Variants in HDAC9 observed in about 807,000 individuals in gnomAD.
The protein encoded by HDAC9 is MEF-2 interacting transcription repressor (MITR) protein.
HDAC9 carries 41 observed loss-of-function variants against 139.4 expected under a neutral mutation model. That is an observed-to-expected ratio of 0.29 (90% CI 0.23 to 0.38). HDAC9 has a LOEUF of 0.38. Among genes scored for constraint, HDAC9 ranks in the 10% least tolerant of loss-of-function variants. HDAC9 has a pLI of 1.00. For synonymous variants in HDAC9, 517 were observed against 476.2 expected, an observed-to-expected ratio of 1.09 and a Z score of -1.12; for missense variants, 1,147 against 1,297.0, an observed-to-expected ratio of 0.88 and a Z score of 1.78.
At chr7:18,947,692 A>T (rs1175332027) in intron 23 of HDAC9, among the ~76,000 whole-genome samples, 2 of 152,010 alleles carry the variant, frequency 1.3e-5, no homozygotes, top group Non-Finnish European at 2.9e-5. Flanking sequence ...AAATAACACC[A>T]ATCACAAATT....
chr7:18,171,513 T>C (rs1788441430), intron 2 of HDAC9, among the ~76,000 whole-genome samples: 1 of 152,214 alleles, frequency 6.6e-6, no homozygotes, highest in South Asian at 2.1e-4. Context: ...AGGGCATCCC[T>C]GTCTTGTGCC....
intron 2 of HDAC9, among the ~76,000 whole-genome samples, chr7:18,187,126 T>C (rs1286734909): frequency 1.3e-5 from 2 of 152,216 alleles, no homozygotes; most frequent in East Asian, 3.9e-4. Flanking sequence ...ACCTACTATG[T>C]CCCTGGAATG....
intron 16 of HDAC9, among the ~76,000 whole-genome samples, chr7:18,783,714 A>C (rs1791451249): frequency 1.3e-5 from 2 of 150,644 alleles, no homozygotes; most frequent in Non-Finnish European, 3.0e-5. Context: ...ACTTTGTGTG[A>C]AAATAAATCA....
intron 2 of HDAC9, among the ~76,000 whole-genome samples, chr7:18,558,918 C>T (rs1048176880): frequency 1.3e-5 from 2 of 152,158 alleles, no homozygotes; most frequent in African/African-American, 2.4e-5. Flanking sequence ...TTTTGTGTTC[C>T]ATAGCTGCTT....
chr7:18,260,739 G>C (rs1795615591), intron 2 of HDAC9, among the ~76,000 whole-genome samples: 1 of 152,212 alleles, frequency 6.6e-6, no homozygotes, highest in African/African-American at 2.4e-5. Context: ...TTGCTCAAGA[G>C]TAAGAGTAAA....
intron 12 of HDAC9, among the ~76,000 whole-genome samples, chr7:18,688,299 C>A (rs529069326): frequency 1.9e-4 from 29 of 151,748 alleles, no homozygotes; most frequent in African/African-American, 5.8e-4. Context: ...TTTAGTCTAG[C>A]CTTAGTTTGA....
Position 18,591,603 on chromosome 7 carries a change from A to G in HDAC9, c.503A>G (p.Lys168Arg), listed in dbSNP as rs1223120272. The G allele has an allele frequency of 6.2e-7, 1 of 1,613,570 alleles. No homozygotes were observed. ...SATKDTPTNG[K>R]NHSVSRHPKL... ...ACGAAAGACACTCCAACTAATGGAA[A>G]AAATCATTCCGTGAGCCGCCATCCC... Residue 168 changes from lysine to arginine, a missense_variant, in exon 5 of 26, where the codon AAA (lysine) becomes AGA (arginine). Physicochemically the swap from Lys to Arg is conservative, Grantham distance 26. Transcript: ENST00000686413.
At chr7:18,452,900 A>G (rs1793007535) in intron 1 of HDAC9, among the ~76,000 whole-genome samples, 2 of 152,198 alleles carry the variant, frequency 1.3e-5, no homozygotes, top group Non-Finnish European at 2.9e-5. Context: ...TATCTTTATT[A>G]GAAACATTAG....
At chr7:18,269,348 T>G (rs1417609620) in intron 2 of HDAC9, among the ~76,000 whole-genome samples, 1 of 152,206 alleles carries the variant, frequency 6.6e-6, no homozygotes, top group African/African-American at 2.4e-5. Context: ...TTAAATGTTT[T>G]AAGAGGTAAT....
intron 6 of HDAC9, among the ~76,000 whole-genome samples, chr7:18,618,760 A>ATATATATATATATGTG (rs1388208113): frequency 7.5e-6 from 1 of 133,810 alleles, no homozygotes; most frequent in East Asian, 2.2e-4. Flanking sequence ...ATATATATAT[A>ATATATATATATATGTG]TGTAGGAATT....
chr7:18,701,409 AAAC>A (rs1562864639), intron 12 of HDAC9, among the ~76,000 whole-genome samples: 13 of 137,712 alleles, frequency 9.4e-5, no homozygotes, highest in African/African-American at 4.3e-4. Context: ...AAAAAAAACA[AAAC>A]AAACAAAAAA....
chr7:18,479,806 A>G (rs1586188583), intron 1 of HDAC9, among the ~76,000 whole-genome samples: 1 of 152,068 alleles, frequency 6.6e-6, no homozygotes, highest in East Asian at 1.9e-4. Context: ...TTTTATTAAC[A>G]TTATTTTAAT....
intron 2 of HDAC9, among the ~76,000 whole-genome samples, chr7:18,233,448 G>A (rs1298766343): frequency 2.3e-5 from 3 of 132,620 alleles, no homozygotes; most frequent in East Asian, 3.0e-4. Flanking sequence ...TTGGTTTAAC[G>A]GATTTCATTC....
At chr7:18,491,402 G>T (rs1796354814), upstream of HDAC9, among the ~76,000 whole-genome samples, 1 of 151,810 alleles carries the variant, frequency 6.6e-6, no homozygotes, top group Non-Finnish European at 1.5e-5. Flanking sequence ...TAAAGAAATA[G>T]GTCAAAAATG....
At chr7:18,676,692 C>T (rs898378264) in intron 12 of HDAC9, among the ~76,000 whole-genome samples, 1 of 151,750 alleles carries the variant, frequency 6.6e-6, no homozygotes, top group African/African-American at 2.4e-5. Flanking sequence ...ATAAAAATAT[C>T]CAACTTGGTT....
At chr7:18,981,084 A>G (rs1431809682) in intron 25 of HDAC9, among the ~76,000 whole-genome samples, 1 of 151,932 alleles carries the variant, frequency 6.6e-6, no homozygotes, top group African/African-American at 2.4e-5. Flanking sequence ...TCTGCCTCCC[A>G]AAGTGCTGGA....
intron 6 of HDAC9, among the ~76,000 whole-genome samples, chr7:18,612,523 A>G (rs1837448161): frequency 1.3e-5 from 2 of 152,110 alleles, no homozygotes; most frequent in Non-Finnish European, 1.5e-5. Flanking sequence ...GAATTAGAGA[A>G]CTGAGGAGTC....
intron 1 of HDAC9, among the ~76,000 whole-genome samples, chr7:18,309,582 A>G (rs1470877207): frequency 3.3e-5 from 5 of 152,200 alleles, no homozygotes; most frequent in Non-Finnish European, 5.9e-5. Flanking sequence ...TGTGCTGAGT[A>G]TGTTAAGAAT....
chr7:18,327,923 T>C (rs1800592992), intron 1 of HDAC9, among the ~76,000 whole-genome samples: 1 of 152,014 alleles, frequency 6.6e-6, no homozygotes, highest in Non-Finnish European at 1.5e-5. Flanking sequence ...TAAAAGAGGA[T>C]GTTGAGTTAG....
Sources: gnomAD v4.1 joint callset for allele counts (sites outside exome capture counted in the v4.1 genomes callset) on GRCh38, gnomAD v4.1.1 for gene constraint, MANE v1.5 for transcripts, NCBI Gene and HGNC (gene_info 2026-07-23, HGNC 2026-07-21) for gene names.